Variants in GRXCR2 observed in about 807,000 individuals in gnomAD.
GRXCR2 encodes the protein glutaredoxin domain-containing cysteine-rich protein 2.
Under a neutral mutation model 24.8 loss-of-function variants are expected in GRXCR2, and 23 were observed. That is an observed-to-expected ratio of 0.93 (90% confidence interval 0.67 to 1.32). The LOEUF (loss-of-function observed/expected upper bound fraction) is 1.32, where lower values mean the gene tolerates loss of function less well. Among genes scored for constraint, GRXCR2 ranks in the 40% most tolerant of loss-of-function variants. The pLI, the probability that GRXCR2 is intolerant of heterozygous loss-of-function variation, is 0.00. For missense variants in GRXCR2, 315 were observed against 303.4 expected, an observed-to-expected ratio of 1.04 and a Z score of -0.28; for synonymous variants, 130 against 116.1, an observed-to-expected ratio of 1.12 and a Z score of -0.77.
intron 2 of GRXCR2, among the ~76,000 whole-genome samples, chr5:145,929,199 C>CATATATATATATATATATA (rs373040257): frequency 3.4e-5 from 4 of 116,508 alleles, no homozygotes; most frequent in Non-Finnish European, 7.1e-5. Flanking sequence ...ATATTCCCCC[C>CATATATATATATATATATA]TATATATATA....
chr5:145,925,530 A>G (rs1757381168), intron 2 of GRXCR2, among the ~76,000 whole-genome samples: 1 of 152,160 alleles, frequency 6.6e-6, no homozygotes, highest in African/African-American at 2.4e-5. Flanking sequence ...CCAAGTCGCA[A>G]GCTTTCTCCC....
intron 2 of GRXCR2, among the ~76,000 whole-genome samples, chr5:145,879,566 C>T (rs989394512): frequency 6.6e-5 from 10 of 152,090 alleles, no homozygotes; most frequent in African/African-American, 1.2e-4. Context: ...TCCTTAGAGA[C>T]GGACAAAGAG....
chr5:145,863,344 G>T (rs1490915252), intron 2 of GRXCR2, among the ~76,000 whole-genome samples: 1 of 152,224 alleles, frequency 6.6e-6, no homozygotes, highest in South Asian at 2.1e-4. Context: ...GAGTTTAAAG[G>T]ACAGGCAAGT....
chr5:145,913,705 T>C (rs989558038), intron 2 of GRXCR2, among the ~76,000 whole-genome samples: 3 of 152,136 alleles, frequency 2.0e-5, no homozygotes, highest in Non-Finnish European at 4.4e-5. Flanking sequence ...TTTAAATAAA[T>C]AGAGACACCG....
intron 2 of GRXCR2, among the ~76,000 whole-genome samples, chr5:145,919,042 C>G (rs1004598963): frequency 2.6e-5 from 4 of 152,184 alleles, no homozygotes; most frequent in African/African-American, 9.7e-5. Context: ...TTTACGGCTT[C>G]TGCTTCACAG....
At chr5:145,884,620 G>T (rs1277093546) in intron 2 of GRXCR2, among the ~76,000 whole-genome samples, 1 of 145,236 alleles carries the variant, frequency 6.9e-6, no homozygotes, top group African/African-American at 2.8e-5. Context: ...GGTACACAAA[G>T]TAAAAATGAA....
intron 2 of GRXCR2, among the ~76,000 whole-genome samples, chr5:145,889,535 A>C (rs542720008): frequency 6.6e-6 from 1 of 152,298 alleles, no homozygotes; most frequent in Non-Finnish European, 1.5e-5. Flanking sequence ...TGCTCTCCAC[A>C]TCACTCACTT....
At chr5:145,890,462 G>GGC (rs1407050376) in intron 2 of GRXCR2, among the ~76,000 whole-genome samples, 1 of 152,094 alleles carries the variant, frequency 6.6e-6, no homozygotes, top group East Asian at 1.9e-4. Context: ...ATAAATTACT[G>GGC]GCATTCCTGA....
At chr5:145,916,547 G>A (rs112757291) in intron 2 of GRXCR2, among the ~76,000 whole-genome samples, 1 of 152,180 alleles carries the variant, frequency 6.6e-6, no homozygotes, top group Admixed American at 6.5e-5. Context: ...AGTCCTCCTT[G>A]TCACAGAGGG....
intron 2 of GRXCR2, among the ~76,000 whole-genome samples, chr5:145,909,814 A>C (rs752048785): frequency 6.6e-6 from 1 of 152,190 alleles, no homozygotes; most frequent in Non-Finnish European, 1.5e-5. Flanking sequence ...CTTTCTTCAG[A>C]TCCATCAGAA....
chr5:145,880,826 C>G (rs1403783620), intron 2 of GRXCR2, among the ~76,000 whole-genome samples: 1 of 152,188 alleles, frequency 6.6e-6, no homozygotes, highest in Non-Finnish European at 1.5e-5. Flanking sequence ...AAAATCTTAT[C>G]CACCATGATC....
chr5:145,918,296 G>A (rs1042863107), intron 2 of GRXCR2, among the ~76,000 whole-genome samples: 3 of 152,126 alleles, frequency 2.0e-5, no homozygotes, highest in South Asian at 2.1e-4. Flanking sequence ...CTTTACGGAG[G>A]AGGAAGCTAA....
intron 1 of GRXCR2, among the ~76,000 whole-genome samples, chr5:145,870,685 T>C (rs895727936): frequency 7.2e-5 from 11 of 152,248 alleles, no homozygotes; most frequent in African/African-American, 2.7e-4. Context: ...ACATTAGCTC[T>C]CATTTTCTTC....
intron 2 of GRXCR2, among the ~76,000 whole-genome samples, chr5:145,916,119 G>C (rs1410557403): frequency 6.6e-6 from 1 of 152,042 alleles, no homozygotes; most frequent in African/African-American, 2.4e-5. Flanking sequence ...TGGAGGAAGC[G>C]GGGGGCGCTG....
At chr5:145,914,117 T>C (rs1051768181) in intron 2 of GRXCR2, among the ~76,000 whole-genome samples, 1 of 152,150 alleles carries the variant, frequency 6.6e-6, no homozygotes, top group Non-Finnish European at 1.5e-5. Flanking sequence ...AGATCATCCC[T>C]GGGATGGGAC....
intron 2 of GRXCR2, among the ~76,000 whole-genome samples, chr5:145,920,964 T>A (rs572592685): frequency 3.7e-3 from 561 of 152,350 alleles, no homozygotes; most frequent in African/African-American, 0.013. Flanking sequence ...ACACCAAATC[T>A]GTCAGCCCAC....
chr5:145,916,419 G>T (rs949410957), intron 2 of GRXCR2, among the ~76,000 whole-genome samples: 5 of 152,098 alleles, frequency 3.3e-5, no homozygotes, highest in Non-Finnish European at 5.9e-5. Flanking sequence ...CAGGCATTAG[G>T]ATCTGTTGCT....
intron 1 of GRXCR2, among the ~76,000 whole-genome samples, chr5:145,870,737 C>T (rs1756515641): frequency 1.3e-5 from 2 of 152,138 alleles, no homozygotes; most frequent in South Asian, 4.1e-4. Context: ...CCAGGGTGTG[C>T]AGCTACATGA....
At chr5:145,920,063 C>T (rs915535857) in intron 2 of GRXCR2, among the ~76,000 whole-genome samples, 1 of 152,152 alleles carries the variant, frequency 6.6e-6, no homozygotes, top group Non-Finnish European at 1.5e-5. Context: ...CACTGAGTCT[C>T]TCCTCCTCAC....
Sources: gnomAD v4.1 joint callset for allele counts (sites outside exome capture counted in the v4.1 genomes callset) on GRCh38, gnomAD v4.1.1 for gene constraint, MANE v1.5 for transcripts, NCBI Gene and HGNC (gene_info 2026-07-23, HGNC 2026-07-21) for gene names.